Variants in NDUFAF2 observed in about 807,000 individuals in gnomAD.
NDUFAF2 encodes the protein NADH:ubiquinone oxidoreductase complex assembly factor 2.
A neutral mutation model predicts 22.8 loss-of-function variants in NDUFAF2; 13 were observed. The ratio of observed to expected loss-of-function variants is 0.57; its 90% CI spans 0.37 to 0.91. The LOEUF is 0.91. Ranked by LOEUF, NDUFAF2 falls within the 40% of genes least tolerant of loss-of-function variation. NDUFAF2 has a pLI of 0.01. For missense variants in NDUFAF2, 162 were observed against 195.2 expected (o/e 0.83, Z 1.01); for synonymous variants, 53 against 64.2 (o/e 0.83, Z 0.84).
intron 2 of NDUFAF2, among the ~76,000 whole-genome samples, chr5:61,090,566 T>G (rs1300109665): frequency 2.0e-5 from 3 of 152,084 alleles, no homozygotes; most frequent in Non-Finnish European, 4.4e-5. Flanking sequence ...CTACTCTACA[T>G]TAAAACTGAA....
chr5:60,994,083 A>C (rs1050960623), intron 1 of NDUFAF2, among the ~76,000 whole-genome samples: 6 of 152,210 alleles, frequency 3.9e-5, no homozygotes, highest in African/African-American at 1.4e-4. Flanking sequence ...ATTGGTGCCC[A>C]AAATCCAGAG....
At chr5:61,072,706 C>T (rs1752314948) in intron 1 of NDUFAF2, among the ~76,000 whole-genome samples, 2 of 152,110 alleles carry the variant, frequency 1.3e-5, no homozygotes, top group African/African-American at 4.8e-5. Flanking sequence ...AAGTGATTCT[C>T]GTGCTTTAGC....
chr5:61,082,210 G>T (rs959944889), intron 2 of NDUFAF2, among the ~76,000 whole-genome samples: 1 of 152,164 alleles, frequency 6.6e-6, no homozygotes, highest in African/African-American at 2.4e-5. Flanking sequence ...TCCTGAGATT[G>T]TGCAAATAAA....
intron 3 of NDUFAF2, among the ~76,000 whole-genome samples, chr5:61,120,432 AGT>A (rs1752961882): frequency 6.6e-6 from 1 of 152,128 alleles, no homozygotes; most frequent in African/African-American, 2.4e-5. Context: ...CCTAAGAAGT[AGT>A]ATCTCCAGTT....
Position 61,090,685 on chromosome 5 carries a change from T to TA in NDUFAF2, c.218-8300dup, listed in dbSNP as rs200701017. 6.5e-3 allele frequency among the ~76,000 whole-genome samples: 983 copies of TA among 152,270 alleles called. 13 individuals carry two copies. Among genetic ancestry groups the TA allele is most frequent in the African/African-American group, 0.022 (922 of 41,590 alleles). ...AATTATACATAAGTAACTTTATTTT[T>TA]AAAAAAACTTTTATTTTAAGTTCAG... is the stretch of plus-strand genomic sequence containing the variant. On this transcript the variant is annotated intron_variant, in intron 2 of 3. Coordinates refer to ENST00000296597, the MANE Select transcript of NDUFAF2 (RefSeq NM_174889.5).
chr5:60,991,015 T>C (rs1391713569), intron 1 of NDUFAF2, among the ~76,000 whole-genome samples: 2 of 152,158 alleles, frequency 1.3e-5, no homozygotes, highest in Non-Finnish European at 2.9e-5. Flanking sequence ...AAGTGATTTT[T>C]TTACTATGCT....
intron 1 of NDUFAF2, among the ~76,000 whole-genome samples, chr5:61,000,577 G>T (rs1175345409): frequency 6.6e-6 from 1 of 152,074 alleles, no homozygotes; most frequent in Admixed American, 6.6e-5. Context: ...AATTAACTTA[G>T]AGTCAGACTT....
chr5:60,970,008 A>G (rs1160007473), intron 1 of NDUFAF2, among the ~76,000 whole-genome samples: 1 of 152,050 alleles, frequency 6.6e-6, no homozygotes, highest in Non-Finnish European at 1.5e-5. Flanking sequence ...TGTTCTTGGC[A>G]CTTTTGTTGA....
intron 1 of NDUFAF2, among the ~76,000 whole-genome samples, chr5:60,971,352 T>G (rs1445459429): frequency 6.6e-6 from 1 of 151,506 alleles, no homozygotes; most frequent in Non-Finnish European, 1.5e-5. Flanking sequence ...CAGTGGCTGA[T>G]CTCAGCTCAC....
At chr5:61,071,311 C>T (rs1752296909) in intron 1 of NDUFAF2, among the ~76,000 whole-genome samples, 1 of 152,150 alleles carries the variant, frequency 6.6e-6, no homozygotes, top group Non-Finnish European at 1.5e-5. Flanking sequence ...TTAAATCAGC[C>T]TGATTAAATG....
intron 1 of NDUFAF2, among the ~76,000 whole-genome samples, chr5:61,025,092 A>T (rs1359824161): frequency 6.6e-6 from 1 of 152,022 alleles, no homozygotes; most frequent in East Asian, 1.9e-4. Flanking sequence ...TTGTCCTCCC[A>T]TAATGTGTCA....
At chr5:61,001,903 A>G (rs1035120762) in intron 1 of NDUFAF2, among the ~76,000 whole-genome samples, 8 of 152,116 alleles carry the variant, frequency 5.3e-5, no homozygotes, top group African/African-American at 1.9e-4. Flanking sequence ...TTCTTATTTG[A>G]CGTGCCCTCT....
intron 1 of NDUFAF2, among the ~76,000 whole-genome samples, chr5:61,059,122 A>G (rs1190428518): frequency 2.0e-5 from 3 of 152,070 alleles, no homozygotes; most frequent in Non-Finnish European, 4.4e-5. Flanking sequence ...AGGCATTTCT[A>G]AGACTTACAT....
chr5:61,019,578 AT>A (rs989500633), intron 1 of NDUFAF2, among the ~76,000 whole-genome samples: 3 of 151,864 alleles, frequency 2.0e-5, no homozygotes, highest in Admixed American at 6.6e-5. Flanking sequence ...TAGAAAGACT[AT>A]TTTTTTTCCA....
intron 1 of NDUFAF2, among the ~76,000 whole-genome samples, chr5:61,038,467 G>A (rs1751830458): frequency 6.6e-6 from 1 of 152,124 alleles, no homozygotes; most frequent in Non-Finnish European, 1.5e-5. Flanking sequence ...GGTCACACCT[G>A]TAAATGTAGA....
At position 60,983,003 on chromosome 5, in the gene NDUFAF2, T is replaced by C. The variant is rs1478723893; in HGVS notation, c.127+37621T>C. Among the ~76,000 whole-genome samples the C allele has an allele frequency of 5.3e-5, 8 of 151,976 alleles. No homozygotes were observed. In the South Asian group the frequency reaches 1.5e-3, roughly 28 times the overall value. Reference sequence around the variant, plus strand: ...GACTTCCACAATGGTTGAACTAGTTTACGGTCCCACCAACAGTGTAAAAGT... The same window carrying C: ...GACTTCCACAATGGTTGAACTAGTTCACGGTCCCACCAACAGTGTAAAAGT... On this transcript the variant is annotated intron_variant, in intron 1 of 3. Coordinates refer to ENST00000296597, the MANE Select transcript of NDUFAF2 (RefSeq NM_174889.5).
intron 1 of NDUFAF2, among the ~76,000 whole-genome samples, chr5:60,957,312 T>G (rs1360716655): frequency 1.3e-5 from 2 of 152,102 alleles, no homozygotes. Flanking sequence ...AAACATCTTG[T>G]CAATTTACCT....
At chr5:61,105,349 A>G (rs1360178406) in intron 3 of NDUFAF2, among the ~76,000 whole-genome samples, 1 of 151,288 alleles carries the variant, frequency 6.6e-6, no homozygotes, top group Non-Finnish European at 1.5e-5. Context: ...TTACAGAATT[A>G]AAATGTCTTA....
At chr5:61,109,902 A>G (rs1353326528) in intron 3 of NDUFAF2, among the ~76,000 whole-genome samples, 3 of 152,186 alleles carry the variant, frequency 2.0e-5, no homozygotes, top group Admixed American at 2.0e-4. Context: ...GTATGTCTTT[A>G]TCGCAGTGTG....
Sources: allele counts gnomAD v4.1 joint callset (sites outside exome capture counted in the v4.1 genomes callset), GRCh38; gene constraint gnomAD v4.1.1; transcripts MANE v1.5; gene names NCBI Gene and HGNC (gene_info 2026-07-23, HGNC 2026-07-21).